Variants in PLXDC1 observed in about 807,000 individuals in gnomAD.
PLXDC1 encodes plexin domain-containing protein 1.
A neutral mutation model predicts 61.3 loss-of-function variants in PLXDC1; 39 were observed. The observed-to-expected ratio is 0.64, with a 90% CI of 0.49 to 0.83. PLXDC1 has a LOEUF of 0.83. Among genes scored for constraint, PLXDC1 ranks in the 40% least tolerant of loss-of-function variants. The pLI is 0.00. For missense variants in PLXDC1, 596 were observed against 666.5 expected (o/e 0.89, Z 1.17); for synonymous variants, 212 against 254.5 (o/e 0.83, Z 1.59).
chr17:39,084,187 G>C (rs1234441312), intron 8 of PLXDC1, among the ~76,000 whole-genome samples: 3 of 152,210 alleles, frequency 2.0e-5, no homozygotes, highest in Non-Finnish European at 2.9e-5. Flanking sequence ...AGGGTTGAAA[G>C]GGATTTTTTA....
At chr17:39,144,325 AAC>A (rs1289187478) in intron 1 of PLXDC1, among the ~76,000 whole-genome samples, 2 of 152,330 alleles carry the variant, frequency 1.3e-5, no homozygotes, top group African/African-American at 4.8e-5. Flanking sequence ...TCAAGTGAGA[AAC>A]ACAAATGAGG....
chr17:39,147,412 C>A (rs547940184), intron 1 of PLXDC1, among the ~76,000 whole-genome samples: 2 of 152,322 alleles, frequency 1.3e-5, no homozygotes, highest in African/African-American at 4.8e-5. Flanking sequence ...TCTCTGCTGC[C>A]CCCTCGGTGT....
At chr17:39,108,462 A>G in intron 4 of PLXDC1, 1 of 586,570 alleles carries the variant, frequency 1.7e-6, no homozygotes, top group African/African-American at 1.9e-5. Flanking sequence ...TCAGCAGGGC[A>G]CAGACTATAG....
chr17:39,106,367 A>G (rs1910590782), intron 6 of PLXDC1, among the ~76,000 whole-genome samples: 1 of 151,560 alleles, frequency 6.6e-6, no homozygotes, highest in African/African-American at 2.4e-5. Context: ...TATTCCCTCT[A>G]AGCCCCCAAC....
At position 39,109,310 on chromosome 17, in the gene PLXDC1, C is replaced by T. The variant is rs774027661; in HGVS notation, c.337G>A (p.Glu113Lys). The change falls in exon 3 of 14, where the codon GAG becomes AAG. Residue 113 changes from glutamate to lysine, a missense_variant. Transcript: ENST00000315392. Reference sequence around the variant, plus strand: ...ATCTTCACTTGGCTCCGGTTGGCCTCGGCCACATCTACCCACAGTTCCCGG... The same window carrying T: ...ATCTTCACTTGGCTCCGGTTGGCCTTGGCCACATCTACCCACAGTTCCCGG... ...HSRELWVDVA[E>K]ANRSQVKIHT... 32 of 1,612,006 alleles carry T rather than the reference C, an allele frequency of 2.0e-5. No individual in the cohort carries two copies. The highest frequency in any genetic ancestry group is 1.4e-4 in the South Asian group (13 of 90,432).
At chr17:39,125,979 C>T (rs774112864) in intron 2 of PLXDC1, among the ~76,000 whole-genome samples, 19 of 152,096 alleles carry the variant, frequency 1.2e-4, no homozygotes, top group Non-Finnish European at 2.2e-4. Context: ...ATGGGCCGGG[C>T]GCGGTGGCTC....
chr17:39,096,490 T>G (rs1910206929), intron 7 of PLXDC1, among the ~76,000 whole-genome samples: 2 of 152,202 alleles, frequency 1.3e-5, no homozygotes, highest in African/African-American at 4.8e-5. Flanking sequence ...TGGCTGCCCC[T>G]AGATCCCTTC....
chr17:39,087,555 G>A, intron 8 of PLXDC1, 52 bp downstream of exon 8: 3 of 1,387,058 alleles, frequency 2.2e-6, no homozygotes, highest in Non-Finnish European at 3.1e-6. Flanking sequence ...CATGAAGCCA[G>A]TCTGCTTGAC....
At chr17:39,101,806 C>T (rs1910429521) in intron 7 of PLXDC1, among the ~76,000 whole-genome samples, 3 of 152,162 alleles carry the variant, frequency 2.0e-5, no homozygotes, top group Non-Finnish European at 1.5e-5. Context: ...CCCTCCACTC[C>T]GATGCCCTGC....
chr17:39,082,798 G>C (rs1909610897), intron 9 of PLXDC1, among the ~76,000 whole-genome samples: 2 of 152,198 alleles, frequency 1.3e-5, no homozygotes, highest in South Asian at 4.1e-4. Flanking sequence ...AGTCTAATCT[G>C]TGAGGAAATG....
chr17:39,124,105 C>G (rs1189436934), intron 2 of PLXDC1, among the ~76,000 whole-genome samples: 1 of 152,152 alleles, frequency 6.6e-6, no homozygotes, highest in Non-Finnish European at 1.5e-5. Context: ...CCCTGGGCCG[C>G]AACATCAGCA....
chr17:39,151,339 G>A lies in PLXDC1; in HGVS notation c.76+23C>T. ...GTCCCTCCCCGCCCCCGGCCCACCC[G>A]GGCCGGCTCCCGCCAGTCCTACCTG... On this transcript the variant is annotated intron_variant, in intron 1 of 13. Coordinates refer to ENST00000315392, the MANE Select transcript of PLXDC1 (RefSeq NM_020405.5). This position sits in a 1 kb window ranked among gnomAD's most constrained non-coding sequence, Gnocchi z 5.2. 3.1e-6 allele frequency: 4 copies of A among 1,270,118 alleles called. No individual in the cohort carries two copies. Among genetic ancestry groups the A allele is most frequent in the African/African-American group, 1.5e-5 (1 of 64,642 alleles). The allele number at this position is 1,270,118 out of a possible 1,614,324, so 78.7% of individuals were successfully genotyped here.
chr17:39,143,535 C>T (rs749344466), intron 1 of PLXDC1, among the ~76,000 whole-genome samples: 1 of 152,234 alleles, frequency 6.6e-6, no homozygotes, highest in Non-Finnish European at 1.5e-5. Context: ...GAATTGAGGA[C>T]GCAGTGCATA....
At chr17:39,136,720 G>A (rs1012085348) in intron 2 of PLXDC1, among the ~76,000 whole-genome samples, 1 of 152,006 alleles carries the variant, frequency 6.6e-6, no homozygotes, top group African/African-American at 2.4e-5. Flanking sequence ...AAAAAGAACA[G>A]GATGCTTTTT....
chr17:39,152,628 G>A (rs1215790995), upstream of PLXDC1: 25 of 1,246,694 alleles, frequency 2.0e-5, no homozygotes, highest in Non-Finnish European at 2.5e-5. Flanking sequence ...AGTGGGCTGG[G>A]GCCTAGGGAC....
chr17:39,078,981 G>A, intron 10 of PLXDC1, 123 bp downstream of exon 10: 1 of 759,784 alleles, frequency 1.3e-6, no homozygotes, highest in Non-Finnish European at 2.3e-6. Context: ...TTAGATGGAA[G>A]GGAGGATATT....
chr17:39,109,188 G>A, intron 3 of PLXDC1, 60 bp downstream of exon 3: 1 of 1,559,924 alleles, frequency 6.4e-7, no homozygotes, highest in South Asian at 1.2e-5. Context: ...GACCAGGCAG[G>A]GTGGTTTGGC....
Position 39,147,025 on chromosome 17 carries a change from G to A in PLXDC1, c.76+4337C>T, listed in dbSNP as rs141487919. Among the ~76,000 whole-genome samples, 947 of 145,760 alleles carry A rather than the reference G, an allele frequency of 6.5e-3. 13 individuals carry two copies. Among genetic ancestry groups the A allele is most frequent in the African/African-American group, 0.023 (888 of 38,988 alleles). On this transcript the variant is annotated intron_variant, in intron 1 of 13. Transcript: ENST00000315392. ...GGCTGGAGTGTAGTGGCACGATCTC[G>A]GCTCACTGCAACCTCTGCCTCCCGG...
At chr17:39,095,564 T>G (rs959319183) in intron 7 of PLXDC1, among the ~76,000 whole-genome samples, 1 of 152,082 alleles carries the variant, frequency 6.6e-6, no homozygotes, top group Non-Finnish European at 1.5e-5. Flanking sequence ...GCATCAAAGA[T>G]TCAGAAATAC....
Sources: allele counts gnomAD v4.1 joint callset (sites outside exome capture counted in the v4.1 genomes callset), GRCh38; gene constraint gnomAD v4.1.1; non-coding constraint Gnocchi (gnomAD v3.1); transcripts MANE v1.5; gene names NCBI Gene and HGNC (gene_info 2026-07-23, HGNC 2026-07-21).